Variants in RFX3 observed in about 807,000 individuals in gnomAD.
RFX3 encodes the protein transcription factor RFX3.
RFX3 carries 14 observed loss-of-function variants against 98.6 expected under a neutral mutation model. The observed-to-expected ratio is 0.14, with a 90% CI of 0.09 to 0.22. The LOEUF is 0.22. Among genes scored for constraint, RFX3 ranks in the 10% least tolerant of loss-of-function variants. The probability of loss-of-function intolerance (pLI) is 1.00; values close to 1 mark genes in which losing one functional copy is unlikely to be tolerated. For synonymous variants in RFX3, 383 were observed against 328.4 expected, an observed-to-expected ratio of 1.17 and a Z score of -1.80; for missense variants, 639 against 926.9, an observed-to-expected ratio of 0.69 and a Z score of 4.03.
At chr9:3,335,098 A>G (rs34725892) in intron 3 of RFX3, among the ~76,000 whole-genome samples, 2,847 of 152,040 alleles carry the variant, frequency 0.019, 50 homozygotes, top group Admixed American at 0.034. Flanking sequence ...CAGCCTGGGC[A>G]ACAGAGCGAA....
intron 1 of RFX3, chr9:3,489,299 C>T (rs1587843575): frequency 4.1e-6 from 1 of 245,230 alleles, no homozygotes; most frequent in Non-Finnish European, 6.5e-6. Flanking sequence ...CAAGTACTCA[C>T]AGACACTATG....
At chr9:3,428,834 T>G (rs137940800) in intron 1 of RFX3, among the ~76,000 whole-genome samples, 1 of 152,242 alleles carries the variant, frequency 6.6e-6, no homozygotes, top group African/African-American at 2.4e-5. Context: ...TAAAGCGTAT[T>G]TTTGCCAAGG....
At chr9:3,300,475 T>G (rs1325522307) in intron 5 of RFX3, among the ~76,000 whole-genome samples, 3 of 151,780 alleles carry the variant, frequency 2.0e-5, no homozygotes. Context: ...AAAATTAAAA[T>G]TTTTCAAAGA....
chr9:3,374,076 TCA>T (rs942430209), intron 2 of RFX3, among the ~76,000 whole-genome samples: 34 of 146,898 alleles, frequency 2.3e-4, no homozygotes, highest in Non-Finnish European at 3.4e-4. Flanking sequence ...AGACTCTGTC[TCA>T]CACACACACG....
At chr9:3,494,716 T>G (rs1850981923) in intron 1 of RFX3, among the ~76,000 whole-genome samples, 1 of 152,158 alleles carries the variant, frequency 6.6e-6, no homozygotes, top group Admixed American at 6.5e-5. Context: ...AAAATAAAAT[T>G]TGATAACTAT....
intron 14 of RFX3, among the ~76,000 whole-genome samples, chr9:3,256,148 T>G (rs925692602): frequency 6.6e-6 from 1 of 152,160 alleles, no homozygotes; most frequent in Non-Finnish European, 1.5e-5. Flanking sequence ...GTTTTTGTAT[T>G]TTTAGTAGAG....
At chr9:3,417,685 G>T (rs924034683) in intron 1 of RFX3, among the ~76,000 whole-genome samples, 5 of 151,890 alleles carry the variant, frequency 3.3e-5, no homozygotes, top group African/African-American at 1.2e-4. Context: ...AAAAGAAAAA[G>T]AATTAAATGA....
chr9:3,394,100 G>C (rs932095282), intron 2 of RFX3, among the ~76,000 whole-genome samples: 1 of 152,168 alleles, frequency 6.6e-6, no homozygotes, highest in Non-Finnish European at 1.5e-5. Context: ...CTGGTAGCTT[G>C]AGGGATGGGA....
intron 2 of RFX3, among the ~76,000 whole-genome samples, chr9:3,382,674 T>C (rs1172566715): frequency 6.6e-6 from 1 of 152,186 alleles, no homozygotes; most frequent in Non-Finnish European, 1.5e-5. Flanking sequence ...ACACCTGTTT[T>C]AAAAATAGTC....
At chr9:3,507,964 C>G (rs939128402) in intron 1 of RFX3, among the ~76,000 whole-genome samples, 2 of 149,688 alleles carry the variant, frequency 1.3e-5, no homozygotes, top group Admixed American at 1.3e-4. Flanking sequence ...TATAAGCTTC[C>G]TAACAGCAAA....
At chr9:3,306,393 G>C (rs7045567) in intron 4 of RFX3, among the ~76,000 whole-genome samples, 5,881 of 152,014 alleles carry the variant, frequency 0.039, 347 homozygotes, top group African/African-American at 0.13. Flanking sequence ...GCTGCTGATA[G>C]TGGGAAATTC....
intron 1 of RFX3, among the ~76,000 whole-genome samples, chr9:3,514,718 G>T (rs886580575): frequency 3.9e-5 from 6 of 152,086 alleles, no homozygotes; most frequent in African/African-American, 1.4e-4. Flanking sequence ...CAATGTGCTG[G>T]GATTACAAGT....
At position 3,525,230 on chromosome 9, in the gene RFX3, GAAC is replaced by G. The variant is rs375868197; in HGVS notation, c.-9+514_-9+516del. Among the ~76,000 whole-genome samples, 20 of 152,110 alleles carry G rather than the reference GAAC, an allele frequency of 1.3e-4. No homozygotes were observed. The South Asian group carries it at 2.1e-3, about 16-fold the overall frequency. ...AAACCCATAACAAGGCCCCACAAGT[GAAC>G]AACAACAACAACAAAACACCACCTC... On this transcript the variant is annotated intron_variant, in intron 1 of 16. Transcript: ENST00000617270.
Position 3,238,814 on chromosome 9 carries a change from C to T in RFX3, c.1968+9218G>A, listed in dbSNP as rs1253603162. Among the ~76,000 whole-genome samples, 3 of 152,056 alleles carry T rather than the reference C, an allele frequency of 2.0e-5. No individual in the cohort carries two copies. In the South Asian group the frequency reaches 6.2e-4, roughly 32 times the overall value. On this transcript the variant is annotated intron_variant, in intron 15 of 16. Transcript: ENST00000617270. ...ACCAGCCTGACCGACATGGAGAAAC[C>T]CCGTCTCTACTAAAAATACAAATAC...
intron 15 of RFX3, among the ~76,000 whole-genome samples, chr9:3,246,014 T>A (rs997668664): frequency 6.6e-6 from 1 of 152,156 alleles, no homozygotes; most frequent in Non-Finnish European, 1.5e-5. Flanking sequence ...TTAGATATGA[T>A]AGTATGACCA....
rs576539722 is a variant in RFX3, at chr9:3,417,846, C to T, written c.-8-22250G>A. On this transcript the variant is annotated intron_variant, in intron 1 of 16. Transcript: ENST00000617270. ...ACAAAATTCACATAAAAAACAGTTCCGGGAAGAACATATGATTTGCTTAAT... is the reference window on the plus strand; with the variant it reads ...ACAAAATTCACATAAAAAACAGTTCTGGGAAGAACATATGATTTGCTTAAT... 3.9e-5 allele frequency among the ~76,000 whole-genome samples: 6 copies of T among 152,112 alleles called. No homozygotes were observed. In the South Asian group the frequency reaches 1.0e-3, roughly 26 times the overall value.
In RFX3 at chr9:3,225,243, T is replaced by G; in HGVS notation, c.2049A>C (p.Glu683Asp). 1 of 1,613,796 alleles carries G rather than the reference T, an allele frequency of 6.2e-7. No homozygotes were observed. The change falls in exon 17 of 17, where the codon GAA becomes GAC. Residue 683 changes from glutamate to aspartate, a missense_variant. Glu to Asp is a conservative substitution (Grantham distance 45). Transcript: ENST00000617270. ...GSEVESEMDE[E>D]LDDSSEPQAK... ...CTTGAGGCTCTGAAGAGTCATCCAG[T>G]TCTTCATCCATTTCACTTTCTACTT...
At chr9:3,415,005 T>C (rs1323883087) in intron 1 of RFX3, among the ~76,000 whole-genome samples, 3 of 138,652 alleles carry the variant, frequency 2.2e-5, no homozygotes, top group Non-Finnish European at 4.6e-5. Flanking sequence ...TATACTTATA[T>C]ATACTCATAT....
Position 3,262,140 on chromosome 9 carries a change from A to C in RFX3, c.1605+795T>G, listed in dbSNP as rs1044950937. Among the ~76,000 whole-genome samples, 9 of 152,092 alleles carry C rather than the reference A, an allele frequency of 5.9e-5. No individual in the cohort carries two copies. The East Asian group carries it at 1.5e-3, about 26-fold the overall frequency. The stretch of plus-strand genomic sequence containing the variant: ...CTCTTTTGAAACCCCAAAGTTTTAA[A>C]TTTTGATTACGTACAGTTTATGTAT... On this transcript the variant is annotated intron_variant, in intron 13 of 16. Transcript: ENST00000617270.
Sources: allele counts gnomAD v4.1 joint callset (sites outside exome capture counted in the v4.1 genomes callset), GRCh38; gene constraint gnomAD v4.1.1; transcripts MANE v1.5; gene names NCBI Gene and HGNC (gene_info 2026-07-23, HGNC 2026-07-21).